TNFRSF11A: variants seen among roughly 807,000 people sequenced by gnomAD.
TNFRSF11A encodes the protein tumor necrosis factor receptor superfamily member 11A.
TNFRSF11A carries 32 observed loss-of-function variants against 55.7 expected under a neutral mutation model. The observed-to-expected ratio is 0.57, with a 90% confidence interval of 0.43 to 0.77. The LOEUF (loss-of-function observed/expected upper bound fraction) is 0.77, where lower values mean the gene tolerates loss of function less well. Among genes scored for constraint, TNFRSF11A ranks in the 30% least tolerant of loss-of-function variants. The pLI is 0.00. For missense variants in TNFRSF11A, 753 were observed against 809.8 expected (o/e 0.93, Z 0.85); for synonymous variants, 311 against 331.0 (o/e 0.94, Z 0.65).
At chr18:62,345,461 A>T (rs894078379) in intron 1 of TNFRSF11A, among the ~76,000 whole-genome samples, 2 of 152,200 alleles carry the variant, frequency 1.3e-5, no homozygotes, top group African/African-American at 4.8e-5. Context: ...AGAACAAAGT[A>T]GGTTTCTGCT....
At chr18:62,379,688 G>A (rs1054497337) in intron 9 of TNFRSF11A, among the ~76,000 whole-genome samples, 2 of 152,118 alleles carry the variant, frequency 1.3e-5, no homozygotes, top group African/African-American at 2.4e-5. Flanking sequence ...ACTAGAAATT[G>A]TAGGTAAAGC....
intron 4 of TNFRSF11A, among the ~76,000 whole-genome samples, chr18:62,357,039 G>A (rs561717972): frequency 5.9e-5 from 9 of 152,304 alleles, no homozygotes; most frequent in African/African-American, 2.4e-5. Context: ...GTTATTAGAT[G>A]TCAACTGGGC....
intron 3 of TNFRSF11A, among the ~76,000 whole-genome samples, 184 bp from the exon 4 acceptor site, chr18:62,354,207 C>T (rs926709670): frequency 5.3e-5 from 8 of 152,222 alleles, no homozygotes; most frequent in Non-Finnish European, 1.0e-4. Context: ...GTGACGTTTT[C>T]GTGCCAGTGC....
At chr18:62,368,104 T>A (rs1157970048) in intron 8 of TNFRSF11A, among the ~76,000 whole-genome samples, 1 of 152,178 alleles carries the variant, frequency 6.6e-6, no homozygotes, top group Non-Finnish European at 1.5e-5. Context: ...AGATCTACTT[T>A]CTTTGATATA....
At chr18:62,330,626 G>A (rs991609182) in intron 1 of TNFRSF11A, among the ~76,000 whole-genome samples, 5 of 152,062 alleles carry the variant, frequency 3.3e-5, no homozygotes, top group African/African-American at 7.3e-5. Context: ...GGGGCGGGCC[G>A]GAGGGGGCCA....
rs1351282401 is a variant in TNFRSF11A, at chr18:62,384,931, G to A, written c.1748G>A (p.Gly583Glu). ...ETLARRDSFA[G>E]NGPRFPDPCG... The stretch of plus-strand genomic sequence containing the variant: ...CTGGCGCGCCGAGACTCCTTCGCGG[G>A]GAACGGCCCGCGCTTCCCGGACCCG... The change falls in exon 10 of 10, where the codon GGG becomes GAG. Residue 583 changes from glycine to glutamate, a missense_variant. Coordinates refer to ENST00000586569, the MANE Select transcript of TNFRSF11A (RefSeq NM_003839.4). 1.9e-6 allele frequency: 3 copies of A among 1,547,260 alleles called. No homozygotes were observed. The highest frequency in any genetic ancestry group is 1.4e-5 in the African/African-American group (1 of 73,414).
rs1027991952 is a variant in TNFRSF11A, at chr18:62,360,066, C to T, written c.616+17C>T. 15 of 1,608,646 alleles carry T rather than the reference C, an allele frequency of 9.3e-6. No individual in the cohort carries two copies. Among genetic ancestry groups the T allele is most frequent in the Non-Finnish European group, 1.3e-5 (15 of 1,175,410 alleles). ...CACCAAATGGTATGTTTAAAAAGAG[C>T]CTGTTGGTTGATAGATGTGCCCCAG... On this transcript the variant is annotated intron_variant, in intron 6 of 9. Transcript: ENST00000586569.
At chr18:62,326,599 C>T (rs907302742) in intron 1 of TNFRSF11A, among the ~76,000 whole-genome samples, 2 of 152,196 alleles carry the variant, frequency 1.3e-5, no homozygotes, top group Admixed American at 1.3e-4. Flanking sequence ...GAAAAACCTG[C>T]CTGACCACGC....
Position 62,384,822 on chromosome 18 carries a change from A to T in TNFRSF11A, c.1639A>T (p.Ile547Phe). The part of the protein sequence containing the change: ...GQVMNFKGDI[I>F]VVYVSQTSQE... ...GGTGATGAACTTCAAGGGCGACATCATCGTGGTCTACGTCAGCCAGACCTC... is the reference window on the plus strand; with the variant it reads ...GGTGATGAACTTCAAGGGCGACATCTTCGTGGTCTACGTCAGCCAGACCTC... The change falls in exon 10 of 10, where the codon ATC becomes TTC. Residue 547 changes from isoleucine (I) to phenylalanine (F), a missense_variant. By Grantham distance (21) the Ile-to-Phe change is conservative (BLOSUM62 0). Coordinates refer to ENST00000586569, the MANE Select transcript of TNFRSF11A (RefSeq NM_003839.4). 1 of 1,612,206 alleles carries T rather than the reference A, an allele frequency of 6.2e-7. No homozygotes were observed. Among genetic ancestry groups the T allele is most frequent in the Non-Finnish European group, 8.5e-7 (1 of 1,179,332 alleles).
intron 1 of TNFRSF11A, among the ~76,000 whole-genome samples, chr18:62,347,287 G>A (rs746799555): frequency 1.3e-5 from 2 of 152,204 alleles, no homozygotes; most frequent in African/African-American, 4.8e-5. Flanking sequence ...TGACATGACT[G>A]CTTGTCAACA....
chr18:62,335,129 A>ATTTTTTTTTTTTTTTTTTTTTTT (rs11289576), intron 1 of TNFRSF11A, among the ~76,000 whole-genome samples: 4 of 140,722 alleles, frequency 2.8e-5, no homozygotes, highest in Non-Finnish European at 3.1e-5. Flanking sequence ...TGGGGTCGGA[A>ATTTTTTTTTTTTTTTTTTTTTTT]TTTTTTTTTT....
At chr18:62,363,492 C>T (rs1408974959) in intron 7 of TNFRSF11A, among the ~76,000 whole-genome samples, 1 of 151,298 alleles carries the variant, frequency 6.6e-6, no homozygotes, top group African/African-American at 2.4e-5. Flanking sequence ...CCTCAGCCTC[C>T]TGAGTACCTG....
At chr18:62,330,444 T>C (rs1205334102) in intron 1 of TNFRSF11A, among the ~76,000 whole-genome samples, 1 of 152,152 alleles carries the variant, frequency 6.6e-6, no homozygotes, top group Non-Finnish European at 1.5e-5. Flanking sequence ...GTGGAGTGTT[T>C]GCAGGGAACC....
At chr18:62,329,559 A>G (rs2046121463) in intron 1 of TNFRSF11A, among the ~76,000 whole-genome samples, 1 of 152,144 alleles carries the variant, frequency 6.6e-6, no homozygotes, top group Non-Finnish European at 1.5e-5. Flanking sequence ...AACACAGTTT[A>G]AGTTCAGCTC....
intron 5 of TNFRSF11A, among the ~76,000 whole-genome samples, chr18:62,359,575 C>T (rs933266895): frequency 1.3e-5 from 2 of 152,104 alleles, no homozygotes; most frequent in African/African-American, 4.8e-5. Context: ...GACAGGGTTT[C>T]ACCATGTTGC....
In TNFRSF11A at chr18:62,384,947, C is replaced by T; in HGVS notation, c.1764C>T (p.Phe588=). 6.6e-7 allele frequency: 1 copy of T among 1,524,650 alleles called. No homozygotes were observed. Among genetic ancestry groups the T allele is most frequent in the Non-Finnish European group, 8.8e-7 (1 of 1,139,756 alleles). 94.4% of individuals were successfully genotyped at this position (1,524,650 alleles called of 1,614,324 possible). Reference sequence around the variant, plus strand: ...CCTTCGCGGGGAACGGCCCGCGCTTCCCGGACCCGTGCGGCGGCCCCGAGG... The same window carrying T: ...CCTTCGCGGGGAACGGCCCGCGCTTTCCGGACCCGTGCGGCGGCCCCGAGG... ...RDSFAGNGPR[F]PDPCGGPEGL... Residue 588 remains phenylalanine (F), a synonymous_variant, in exon 10 of 10, where the codon TTC becomes TTT. Transcript: ENST00000586569.
At chr18:62,326,051 G>T (rs1279737489) in intron 1 of TNFRSF11A, among the ~76,000 whole-genome samples, 1 of 152,226 alleles carries the variant, frequency 6.6e-6, no homozygotes, top group East Asian at 1.9e-4. Flanking sequence ...CTCGGAACAG[G>T]TTTCTCAGTA....
intron 7 of TNFRSF11A, among the ~76,000 whole-genome samples, chr18:62,362,448 C>T (rs1909760097): frequency 7.0e-6 from 1 of 142,402 alleles, no homozygotes; most frequent in South Asian, 2.2e-4. Flanking sequence ...CAAGATCATG[C>T]CATTGCACTC....
intron 1 of TNFRSF11A, among the ~76,000 whole-genome samples, chr18:62,326,662 A>G (rs1305990866): frequency 6.6e-6 from 1 of 152,232 alleles, no homozygotes; most frequent in Non-Finnish European, 1.5e-5. Context: ...TCATATGTGC[A>G]TAAAAGGCGT....
Sources: allele counts gnomAD v4.1 joint callset (sites outside exome capture counted in the v4.1 genomes callset), GRCh38; gene constraint gnomAD v4.1.1; transcripts MANE v1.5; gene names NCBI Gene and HGNC (gene_info 2026-07-23, HGNC 2026-07-21).